The following HMGA2 variants were observed in gnomAD, a reference collection of about 807,000 sequenced individuals.
HMGA2 encodes high mobility group AT-hook 2.
HMGA2 carries 8 observed loss-of-function variants against 19.1 expected under a neutral mutation model. The ratio of observed to expected loss-of-function variants is 0.42; its 90% CI spans 0.25 to 0.76. The LOEUF (loss-of-function observed/expected upper bound fraction) is 0.76, where lower values mean the gene tolerates loss of function less well. HMGA2 is among the 30% of genes least tolerant of loss of function. The pLI is 0.28. For synonymous variants in HMGA2, 60 were observed against 48.8 expected (o/e 1.23, Z -0.96); for missense variants, 109 against 136.3 (o/e 0.80, Z 1.00).
chr12:65,855,406 C>T (rs150376069), intron 3 of HMGA2, among the ~76,000 whole-genome samples: 2 of 151,450 alleles, frequency 1.3e-5, no homozygotes, highest in East Asian at 3.9e-4. Context: ...AACTATGTCT[C>T]TCTCTTTCCT....
intron 3 of HMGA2, among the ~76,000 whole-genome samples, chr12:65,895,017 T>A (rs1226519572): frequency 6.6e-6 from 1 of 152,170 alleles, no homozygotes; most frequent in Non-Finnish European, 1.5e-5. Context: ...TAAAACAGCA[T>A]TTAAAACAAA....
rs1870733316 is a variant in HMGA2, at chr12:65,836,458, C to T, written c.199-2061C>T. Among the ~76,000 whole-genome samples, 3 of 152,128 alleles carry T rather than the reference C, an allele frequency of 2.0e-5. No homozygotes were observed. In the South Asian group the frequency reaches 6.2e-4, roughly 32 times the overall value. On this transcript the variant is annotated intron_variant, in intron 2 of 4. Transcript: ENST00000403681. ...AGCACCTCATGGGAGGCAGGAACTT[C>T]TAAGTACTTCTAGGAATGATGTCTC...
intron 3 of HMGA2, among the ~76,000 whole-genome samples, chr12:65,844,848 G>A (rs1477567033): frequency 6.6e-6 from 1 of 152,180 alleles, no homozygotes; most frequent in Non-Finnish European, 1.5e-5. Context: ...CACTTGTGTG[G>A]AGTGGCAAAT....
chr12:65,832,449 G>T (rs1870519418), intron 2 of HMGA2, among the ~76,000 whole-genome samples: 1 of 151,980 alleles, frequency 6.6e-6, no homozygotes, highest in Non-Finnish European at 1.5e-5. Flanking sequence ...GTTCTCAACA[G>T]ATCATTTTGC....
intron 3 of HMGA2, chr12:65,915,330 A>G (rs1433095840): frequency 7.2e-7 from 1 of 1,389,776 alleles, no homozygotes; most frequent in Admixed American, 2.6e-5. Flanking sequence ...TTTCACTGCT[A>G]CCCCATATGG....
intron 3 of HMGA2, among the ~76,000 whole-genome samples, chr12:65,889,279 T>C (rs1369632438): frequency 6.6e-6 from 1 of 152,184 alleles, no homozygotes; most frequent in African/African-American, 2.4e-5. Context: ...AAAGGGACTT[T>C]TTCCTACAAA....
chr12:65,848,481 GACA>G, intron 3 of HMGA2, among the ~76,000 whole-genome samples: 1 of 152,296 alleles, frequency 6.6e-6, no homozygotes, highest in African/African-American at 2.4e-5. Context: ...ATTTACTGGG[GACA>G]ACAACCTGAA....
chr12:65,916,534 C>T (rs565137321), intron 3 of HMGA2, among the ~76,000 whole-genome samples: 17 of 152,250 alleles, frequency 1.1e-4, no homozygotes, highest in African/African-American at 1.9e-4. Context: ...TTAAACAATA[C>T]GCATATAACT....
intron 3 of HMGA2, among the ~76,000 whole-genome samples, chr12:65,950,082 AAC>A (rs774305786): frequency 6.6e-6 from 1 of 152,228 alleles, no homozygotes; most frequent in Admixed American, 6.5e-5. Flanking sequence ...GAGCAATTGG[AAC>A]TCCAGATTCA....
Position 65,926,899 on chromosome 12 carries a change from GA to G in HMGA2, c.250-24475del, listed in dbSNP as rs200446470. Among the ~76,000 whole-genome samples the G allele has an allele frequency of 1.5e-4, 22 of 150,998 alleles. No individual in the cohort carries two copies. The East Asian group carries it at 1.9e-3, about 13-fold the overall frequency. The stretch of plus-strand genomic sequence containing the variant: ...CAGCACGCTGTTCATTCCAGGAAAG[GA>G]AAAAAAAAGTGCTTTTCTGCGTGAC... On this transcript the variant is annotated intron_variant, in intron 3 of 4. Coordinates refer to ENST00000403681, the MANE Select transcript of HMGA2 (RefSeq NM_003483.6).
chr12:65,945,051 T>G (rs1876215449), intron 3 of HMGA2, among the ~76,000 whole-genome samples: 1 of 152,012 alleles, frequency 6.6e-6, no homozygotes. Context: ...TTTTTTTTTT[T>G]TACTTAACCT....
At chr12:65,874,127 C>T (rs1459876434) in intron 3 of HMGA2, 2 of 152,032 alleles carry the variant, frequency 1.3e-5, no homozygotes, top group African/African-American at 4.8e-5. Context: ...ATTGTTGACA[C>T]CAGCTTGTTG....
At chr12:65,933,609 A>C (rs1875792164) in intron 3 of HMGA2, among the ~76,000 whole-genome samples, 1 of 152,232 alleles carries the variant, frequency 6.6e-6, no homozygotes, top group Non-Finnish European at 1.5e-5. Flanking sequence ...AAAATTTACC[A>C]AACTATACCT....
intron 3 of HMGA2, among the ~76,000 whole-genome samples, chr12:65,927,831 C>CTGTGTGTGTGTGTG (rs143707177): frequency 2.8e-5 from 4 of 145,082 alleles, no homozygotes; most frequent in Non-Finnish European, 6.0e-5. Flanking sequence ...CTCTTTGTAT[C>CTGTGTGTGTGTGTG]TGTGTGTGTG....
At chr12:65,875,282 G>A (rs1194686348) in intron 3 of HMGA2, among the ~76,000 whole-genome samples, 1 of 152,136 alleles carries the variant, frequency 6.6e-6, no homozygotes, top group East Asian at 1.9e-4. Context: ...GTTCCTGAGT[G>A]AGTAAATGAT....
intron 3 of HMGA2, among the ~76,000 whole-genome samples, chr12:65,912,779 C>T (rs1874901977): frequency 1.3e-5 from 2 of 152,202 alleles, no homozygotes; most frequent in Admixed American, 6.5e-5. Context: ...ATGAGTCCCT[C>T]TTCCTCTCTG....
At chr12:65,909,989 A>AT (rs1389660363) in intron 3 of HMGA2, among the ~76,000 whole-genome samples, 1 of 152,220 alleles carries the variant, frequency 6.6e-6, no homozygotes, top group Non-Finnish European at 1.5e-5. Flanking sequence ...TACTTTCACT[A>AT]GGACCAGTAA....
intron 4 of HMGA2, among the ~76,000 whole-genome samples, chr12:65,959,488 T>C (rs1876690238): frequency 6.6e-6 from 1 of 152,216 alleles, no homozygotes; most frequent in Admixed American, 6.5e-5. Flanking sequence ...ACCTCACATG[T>C]TTCGGCCCGG....
chr12:65,860,876 G>C (rs955858572), intron 3 of HMGA2, among the ~76,000 whole-genome samples: 3 of 152,206 alleles, frequency 2.0e-5, no homozygotes, highest in Non-Finnish European at 4.4e-5. Flanking sequence ...AGAAGCAGAT[G>C]TTGGAAAATA....
Sources: allele counts gnomAD v4.1 joint callset (sites outside exome capture counted in the v4.1 genomes callset), GRCh38; gene constraint gnomAD v4.1.1; transcripts MANE v1.5; gene names NCBI Gene and HGNC (gene_info 2026-07-23, HGNC 2026-07-21).